The following DDHD2 variants were observed in gnomAD, a reference collection of about 807,000 sequenced individuals.
The protein encoded by DDHD2 is triacylglycerol hydrolase DDHD2.
A neutral mutation model predicts 91.2 loss-of-function variants in DDHD2; 62 were observed. The observed-to-expected ratio is 0.68, with a 90% confidence interval of 0.55 to 0.84. DDHD2 has a LOEUF of 0.84. Ranked by LOEUF, DDHD2 falls within the 40% of genes least tolerant of loss-of-function variation. The pLI is 0.00. For synonymous variants in DDHD2, 271 were observed against 293.9 expected (o/e 0.92, Z 0.80); for missense variants, 740 against 846.9 (o/e 0.87, Z 1.57).
downstream of DDHD2, chr8:38,263,692 CAG>C (rs1807213037): frequency 1.0e-6 from 1 of 985,084 alleles, no homozygotes; most frequent in Non-Finnish European, 1.2e-6. Context: ...AGAAGGTAAA[CAG>C]AATCAAAGTA....
intron 7 of DDHD2, among the ~76,000 whole-genome samples, chr8:38,242,596 G>C (rs1240494350): frequency 6.6e-6 from 1 of 152,144 alleles, no homozygotes; most frequent in African/African-American, 2.4e-5. Flanking sequence ...TGGCTCACTA[G>C]TATTTACTGT....
intron 15 of DDHD2, 101 bp from the exon 16 acceptor site, chr8:38,253,455 T>C (rs923330831): frequency 3.0e-6 from 3 of 1,008,646 alleles, no homozygotes; most frequent in Non-Finnish European, 4.4e-6. Context: ...GAACAGAGAG[T>C]AGCTCATTCT....
chr8:38,272,471 C>G (rs752907493), downstream of DDHD2: 4 of 152,336 alleles, frequency 2.6e-5, no homozygotes, highest in Non-Finnish European at 4.4e-5. Flanking sequence ...TTGCCCTTCT[C>G]AGCCAGCCAC....
chr8:38,264,587 T>C (rs369218775), downstream of DDHD2: 4 of 1,594,270 alleles, frequency 2.5e-6, no homozygotes, highest in Non-Finnish European at 3.4e-6. Context: ...ATTCCAATCA[T>C]GGATCCAACT....
At position 38,262,711 on chromosome 8, in the gene DDHD2, ATGTT is replaced by A. The variant is rs1160689181; in HGVS notation, c.*2144_*2147del. On this transcript the variant is annotated 3_prime_UTR_variant, in exon 18 of 18. Transcript: ENST00000397166. ...ATTTCTAATATTTTGCATTTTTGAA[ATGTT>A]TGTTTTCTACGTGATTATATTTAAA... is the stretch of plus-strand genomic sequence containing the variant. 2 of 152,176 alleles carry A rather than the reference ATGTT, an allele frequency of 1.3e-5. No homozygotes were observed. The highest frequency in any genetic ancestry group is 2.4e-5 in the African/African-American group (1 of 41,456). 9.4% of individuals were successfully genotyped at this position (152,176 alleles called of 1,614,324 possible).
intron 4 of DDHD2, 83 bp downstream of exon 4, chr8:38,237,710 C>G: frequency 1.3e-6 from 1 of 745,810 alleles, no homozygotes; most frequent in Non-Finnish European, 2.2e-6. Flanking sequence ...TTGCTAAGCA[C>G]TCTGTGTAGG....
At chr8:38,237,767 A>G (rs1248645121) in intron 4 of DDHD2, 140 bp downstream of exon 4, 1 of 577,712 alleles carries the variant, frequency 1.7e-6, no homozygotes, top group Non-Finnish European at 2.9e-6. Context: ...ATGAAACTTA[A>G]AAACTTGTAG....
downstream of DDHD2, chr8:38,264,474 C>T: frequency 1.3e-6 from 2 of 1,551,764 alleles, no homozygotes; most frequent in Non-Finnish European, 1.7e-6. Context: ...AATCCCCAGG[C>T]TTCTGTGCAG....
intron 2 of DDHD2, among the ~76,000 whole-genome samples, chr8:38,233,958 G>A (rs1369215722): frequency 6.6e-6 from 1 of 151,162 alleles, no homozygotes; most frequent in African/African-American, 2.4e-5. Flanking sequence ...AAAGAAAAAA[G>A]TATGTATAGA....
intron 2 of DDHD2, 145 bp downstream of exon 2, chr8:38,233,359 C>T (rs532245872): frequency 1.6e-6 from 1 of 612,152 alleles, no homozygotes; most frequent in African/African-American, 1.8e-5. Context: ...TATAGAACTT[C>T]TGCACTAATA....
chr8:38,247,928 G>T, intron 10 of DDHD2, 93 bp downstream of exon 10: 2 of 933,764 alleles, frequency 2.1e-6, no homozygotes, highest in Non-Finnish European at 3.1e-6. Context: ...ACACTTTTTA[G>T]TCATAAATAC....
intron 3 of DDHD2, among the ~76,000 whole-genome samples, chr8:38,234,918 C>T (rs1437322504): frequency 1.3e-5 from 2 of 152,084 alleles, no homozygotes; most frequent in Non-Finnish European, 2.9e-5. Flanking sequence ...CAGGTGGCCG[C>T]CACCACACCT....
intron 5 of DDHD2, 175 bp downstream of exon 5, chr8:38,238,384 TA>T: frequency 7.2e-7 from 1 of 1,386,872 alleles, no homozygotes; most frequent in South Asian, 1.5e-5. Context: ...TTAATAGATG[TA>T]AAAATATCTT....
At chr8:38,268,593 G>A in intron 1 of DDHD2, 1 of 1,452,248 alleles carries the variant, frequency 6.9e-7, no homozygotes. Context: ...GTAACCGGGC[G>A]CCAGGCAGCG....
intron 11 of DDHD2, 121 bp downstream of exon 11, chr8:38,249,924 T>C (rs1183553339): frequency 3.4e-6 from 2 of 584,014 alleles, no homozygotes; most frequent in Non-Finnish European, 6.0e-6. Flanking sequence ...GATCTTTGGC[T>C]CTTTTTTTTT....
chr8:38,263,617 C>T, downstream of DDHD2: 1 of 985,322 alleles, frequency 1.0e-6, no homozygotes, highest in Non-Finnish European at 1.2e-6. Context: ...AAGATGCACA[C>T]AAAAGTGATA....
chr8:38,237,029 G>A (rs1212775489), intron 3 of DDHD2, among the ~76,000 whole-genome samples: 1 of 152,092 alleles, frequency 6.6e-6, no homozygotes, highest in Non-Finnish European at 1.5e-5. Context: ...GATGGAATTA[G>A]GAGTATTTTT....
downstream of DDHD2, chr8:38,267,511 GTAACTGGCTTAGTATAGTCACCACAC>G: frequency 1.6e-6 from 2 of 1,224,930 alleles, no homozygotes; most frequent in Non-Finnish European, 2.3e-6. Context: ...GCAAAATAAG[GTAACTGGCTTAGTATAGTCACCACAC>G]TAAGAGAAAA....
Position 38,260,611 on chromosome 8 carries a change from G to T in DDHD2, c.*38G>T. 1 of 153,244 alleles carries T rather than the reference G, an allele frequency of 6.5e-6. No individual in the cohort carries two copies. The highest frequency in any genetic ancestry group is 1.5e-5 in the Non-Finnish European group (1 of 68,502). The allele number at this position is 153,244 out of a possible 1,614,324, so 9.5% of individuals were successfully genotyped here. A position where few individuals can be genotyped will look rare whatever the true frequency, so the allele number is the denominator to read the frequency against. ...ACTTTCTTCCCTAGACGGACATTGA[G>T]GGATCCTTCCCCAGAAAATCCACCT... is the stretch of plus-strand genomic sequence containing the variant. On this transcript the variant is annotated 3_prime_UTR_variant, in exon 18 of 18. Coordinates refer to ENST00000397166, the MANE Select transcript of DDHD2 (RefSeq NM_015214.3).
Sources: allele counts gnomAD v4.1 joint callset (sites outside exome capture counted in the v4.1 genomes callset), GRCh38; gene constraint gnomAD v4.1.1; transcripts MANE v1.5; gene names NCBI Gene and HGNC (gene_info 2026-07-23, HGNC 2026-07-21).